Variants in SLMAP observed in about 807,000 individuals in gnomAD.
SLMAP encodes the protein sarcolemmal membrane-associated protein.
Under a neutral mutation model 128.8 loss-of-function variants are expected in SLMAP, and 44 were observed. The observed-to-expected ratio is 0.34, with a 90% confidence interval of 0.27 to 0.44. SLMAP has a LOEUF of 0.44. SLMAP is among the 20% of genes least tolerant of loss of function. SLMAP has a pLI of 1.00. For synonymous variants in SLMAP, 327 were observed against 348.8 expected, an observed-to-expected ratio of 0.94 and a Z score of 0.70; for missense variants, 787 against 985.3, an observed-to-expected ratio of 0.80 and a Z score of 2.69.
At chr3:57,838,439 A>G (rs1239586389) in intron 3 of SLMAP, among the ~76,000 whole-genome samples, 1 of 152,226 alleles carries the variant, frequency 6.6e-6, no homozygotes, top group Non-Finnish European at 1.5e-5. Flanking sequence ...AATACTAAGC[A>G]GGCATGTTCC....
chr3:57,884,444 T>C (rs962883044), intron 14 of SLMAP, among the ~76,000 whole-genome samples: 1 of 152,166 alleles, frequency 6.6e-6, no homozygotes, highest in Non-Finnish European at 1.5e-5. Flanking sequence ...AACAGGCTTA[T>C]ATTCCCCAGA....
intron 2 of SLMAP, among the ~76,000 whole-genome samples, chr3:57,812,761 T>C (rs1397982017): frequency 6.6e-6 from 1 of 152,108 alleles, no homozygotes; most frequent in Admixed American, 6.5e-5. Flanking sequence ...ATTGTACAAA[T>C]ATTTTACCTC....
At chr3:57,833,428 G>GTTT (rs398105898) in intron 3 of SLMAP, among the ~76,000 whole-genome samples, 6 of 147,880 alleles carry the variant, frequency 4.1e-5, no homozygotes, top group African/African-American at 1.5e-4. Context: ...AGTAACATTA[G>GTTT]TTTTTTTTTT....
intron 23 of SLMAP, among the ~76,000 whole-genome samples, chr3:57,923,822 G>A (rs1416800399): frequency 6.6e-6 from 1 of 152,184 alleles, no homozygotes; most frequent in African/African-American, 2.4e-5. Context: ...CATGGCCATC[G>A]TGTTACTCAT....
At chr3:57,826,589 T>TTC (rs1372555011) in intron 2 of SLMAP, among the ~76,000 whole-genome samples, 1 of 152,212 alleles carries the variant, frequency 6.6e-6, no homozygotes, top group Non-Finnish European at 1.5e-5. Flanking sequence ...ATTGTCCCTG[T>TTC]TCTGCTTAAT....
chr3:57,903,600 G>A (rs908422699), intron 17 of SLMAP, among the ~76,000 whole-genome samples: 1 of 152,130 alleles, frequency 6.6e-6, no homozygotes, highest in Non-Finnish European at 1.5e-5. Flanking sequence ...TTTAATTTAG[G>A]ATATTATGTA....
chr3:57,762,004 G>A (rs1199661220), intron 2 of SLMAP, among the ~76,000 whole-genome samples: 3 of 144,234 alleles, frequency 2.1e-5, no homozygotes, highest in African/African-American at 7.8e-5. Flanking sequence ...CCGAGATTGC[G>A]CCACTGCAGT....
At chr3:57,904,632 A>T (rs1436231460) in intron 17 of SLMAP, among the ~76,000 whole-genome samples, 2 of 152,196 alleles carry the variant, frequency 1.3e-5, no homozygotes, top group Non-Finnish European at 2.9e-5. Flanking sequence ...GACATGGCCC[A>T]GCATGGTAGC....
At chr3:57,914,706 C>G (rs1224731772) in intron 21 of SLMAP, among the ~76,000 whole-genome samples, 8 of 151,950 alleles carry the variant, frequency 5.3e-5, no homozygotes, top group Non-Finnish European at 7.4e-5. Flanking sequence ...CCTCAGCCTC[C>G]TGAGTAACTT....
chr3:57,848,709 C>CTTTTTTT (rs34568039), intron 5 of SLMAP, among the ~76,000 whole-genome samples: 2 of 103,594 alleles, frequency 1.9e-5, no homozygotes, highest in African/African-American at 3.6e-5. Flanking sequence ...CCTCCTACTC[C>CTTTTTTT]TTTTTTTTTT....
intron 14 of SLMAP, among the ~76,000 whole-genome samples, chr3:57,885,527 C>G (rs939774948): frequency 7.4e-5 from 11 of 147,780 alleles, no homozygotes; most frequent in African/African-American, 2.7e-4. Flanking sequence ...TCAAGCGATT[C>G]TCCTGCGTCA....
chr3:57,866,558 G>GTA (rs2095309481), intron 13 of SLMAP, among the ~76,000 whole-genome samples: 1 of 152,134 alleles, frequency 6.6e-6, no homozygotes, highest in Non-Finnish European at 1.5e-5. Flanking sequence ...ACTATTCTAC[G>GTA]TATGTTTTGT....
chr3:57,894,729 A>G (rs1170612491), intron 15 of SLMAP, among the ~76,000 whole-genome samples: 2 of 152,370 alleles, frequency 1.3e-5, no homozygotes, highest in East Asian at 3.9e-4. Context: ...TTACAGAATG[A>G]ATAGGCCAAG....
chr3:57,913,085 T>C, intron 20 of SLMAP, 73 bp from the exon 21 acceptor site: 1 of 745,342 alleles, frequency 1.3e-6, no homozygotes, highest in Non-Finnish European at 2.3e-6. Context: ...CTCTGAAATC[T>C]TTTCCTTTAT....
intron 2 of SLMAP, among the ~76,000 whole-genome samples, chr3:57,777,808 A>G (rs2082227799): frequency 6.6e-6 from 1 of 152,242 alleles, no homozygotes; most frequent in Non-Finnish European, 1.5e-5. Flanking sequence ...AGGAAGTGTA[A>G]ACTTAAACCA....
At chr3:57,829,721 T>G (rs1400757860) in intron 2 of SLMAP, among the ~76,000 whole-genome samples, 1 of 152,212 alleles carries the variant, frequency 6.6e-6, no homozygotes, top group Non-Finnish European at 1.5e-5. Context: ...AATAAGTCAT[T>G]TATAGACAGC....
chr3:57,829,640 A>G (rs1439994270), intron 2 of SLMAP, among the ~76,000 whole-genome samples: 1 of 152,256 alleles, frequency 6.6e-6, no homozygotes. Flanking sequence ...TTTTCTAATT[A>G]ATCGTCTGTA....
At chr3:57,780,426 A>G (rs2082804506) in intron 2 of SLMAP, among the ~76,000 whole-genome samples, 1 of 151,978 alleles carries the variant, frequency 6.6e-6, no homozygotes, top group Non-Finnish European at 1.5e-5. Context: ...TTTACAGGCA[A>G]GAACCACCAT....
intron 24 of SLMAP, chr3:57,926,206 T>C: frequency 2.4e-6 from 1 of 408,970 alleles, no homozygotes. Context: ...AGTCTTTATC[T>C]CTAGCAAACT....
Sources: gnomAD v4.1 joint callset for allele counts (sites outside exome capture counted in the v4.1 genomes callset) on GRCh38, gnomAD v4.1.1 for gene constraint, MANE v1.5 for transcripts, NCBI Gene and HGNC (gene_info 2026-07-23, HGNC 2026-07-21) for gene names.